Variants in ZFYVE9 observed in about 807,000 individuals in gnomAD.
ZFYVE9 encodes the protein zinc finger FYVE-type containing 9.
ZFYVE9 carries 43 observed loss-of-function variants against 126.7 expected under a neutral mutation model. The ratio of observed to expected loss-of-function variants is 0.34; its 90% CI spans 0.27 to 0.44. The LOEUF is 0.44. ZFYVE9 is among the 20% of genes least tolerant of loss of function. ZFYVE9 has a pLI of 1.00. For synonymous variants in ZFYVE9, 521 were observed against 597.4 expected, an observed-to-expected ratio of 0.87 and a Z score of 1.87; for missense variants, 1,476 against 1,697.0, an observed-to-expected ratio of 0.87 and a Z score of 2.29.
At chr1:52,263,705 T>C in intron 4 of ZFYVE9, 68 bp from the exon 5 acceptor site, 1 of 776,018 alleles carries the variant, frequency 1.3e-6, no homozygotes, top group South Asian at 1.9e-5. Context: ...TTGTCAATAT[T>C]GGTTCACTCT....
chr1:52,255,630 T>A (rs931624942), intron 4 of ZFYVE9, among the ~76,000 whole-genome samples: 1 of 151,060 alleles, frequency 6.6e-6, no homozygotes, highest in African/African-American at 2.4e-5. Flanking sequence ...CAGTGGCTCA[T>A]GCCTGTAATC....
rs1645765826 is a variant in ZFYVE9, at chr1:52,278,097, A to T, written c.2747-395A>T. On this transcript the variant is annotated intron_variant, in intron 8 of 18. Transcript: ENST00000287727. ...CCCAACTATTTGATATCCTTTCCAG[A>T]GGTAACTAGTATATTATCACTTTCT... Among the ~76,000 whole-genome samples the T allele has an allele frequency of 2.6e-5, 4 of 152,208 alleles. 1 individual carries two copies. In the South Asian group the frequency reaches 8.3e-4, roughly 31 times the overall value.
At chr1:52,343,398 A>G (rs1646457200) in intron 17 of ZFYVE9, among the ~76,000 whole-genome samples, 1 of 151,840 alleles carries the variant, frequency 6.6e-6, no homozygotes, top group African/African-American at 2.4e-5. Context: ...GTGAGCCGAG[A>G]TCGTGCCATT....
intron 4 of ZFYVE9, among the ~76,000 whole-genome samples, chr1:52,249,981 CTT>C (rs1645427837): frequency 6.6e-6 from 1 of 152,078 alleles, no homozygotes; most frequent in Non-Finnish European, 1.5e-5. Flanking sequence ...TTATGTCTGT[CTT>C]TAATGTCAGT....
chr1:52,316,104 G>T (rs1646181128), intron 13 of ZFYVE9, among the ~76,000 whole-genome samples: 1 of 129,352 alleles, frequency 7.7e-6, no homozygotes, highest in Non-Finnish European at 1.6e-5. Flanking sequence ...GGCAGAGGTT[G>T]CAGTGAGCCG....
chr1:52,196,159 G>C (rs117095618), intron 1 of ZFYVE9, among the ~76,000 whole-genome samples: 2 of 152,184 alleles, frequency 1.3e-5, no homozygotes, highest in East Asian at 3.9e-4. Flanking sequence ...GCTCTAACTT[G>C]GTAGACTTGT....
intron 13 of ZFYVE9, among the ~76,000 whole-genome samples, chr1:52,317,278 G>GGAGGTT (rs1233707547): frequency 6.6e-6 from 1 of 152,106 alleles, no homozygotes; most frequent in African/African-American, 2.4e-5. Context: ...CAGCACTTTG[G>GGAGGTT]GAGGTTGAGG....
At chr1:52,176,959 C>T (rs1357568273) in intron 1 of ZFYVE9, among the ~76,000 whole-genome samples, 1 of 152,170 alleles carries the variant, frequency 6.6e-6, no homozygotes, top group Non-Finnish European at 1.5e-5. Flanking sequence ...TGAGGCAATG[C>T]CTTGCCCTGC....
In ZFYVE9 at chr1:52,314,964, C is replaced by T. The variant is rs139918948; in HGVS notation, c.3438+11039C>T. On this transcript the variant is annotated intron_variant, in intron 13 of 18. Transcript: ENST00000287727. ...GTGCCACTGAGGCAAAGCGTTTTCTCGGATACATATAATTTATCACCAACA... is the reference window on the plus strand; with the variant it reads ...GTGCCACTGAGGCAAAGCGTTTTCTTGGATACATATAATTTATCACCAACA... Among the ~76,000 whole-genome samples, 345 of 152,054 alleles carry T rather than the reference C, an allele frequency of 2.3e-3. 2 individuals are homozygous for T. The highest frequency in any genetic ancestry group is 8.0e-3 in the African/African-American group (333 of 41,438).
intron 17 of ZFYVE9, among the ~76,000 whole-genome samples, chr1:52,341,530 T>C (rs947098786): frequency 2.0e-5 from 3 of 152,254 alleles, no homozygotes; most frequent in Admixed American, 6.5e-5. Context: ...CGTAAGCTGG[T>C]AGATCTTAGA....
At chr1:52,266,191 G>A (rs1199105049) in intron 5 of ZFYVE9, among the ~76,000 whole-genome samples, 4 of 151,498 alleles carry the variant, frequency 2.6e-5, no homozygotes, top group East Asian at 3.9e-4. Context: ...TCCACCTCCC[G>A]GGTTCATGCC....
intron 1 of ZFYVE9, among the ~76,000 whole-genome samples, chr1:52,208,595 G>A (rs534361857): frequency 1.1e-4 from 17 of 151,588 alleles, no homozygotes; most frequent in East Asian, 3.9e-4. Context: ...TCAGCCCGGC[G>A]CAATCTTGGC....
intron 10 of ZFYVE9, among the ~76,000 whole-genome samples, chr1:52,290,239 A>G (rs141308484): frequency 0.011 from 1,673 of 152,280 alleles, 40 homozygotes; most frequent in African/African-American, 0.039. Flanking sequence ...AAGAGAGAGA[A>G]AGAATGTGCA....
At chr1:52,162,777 C>T (rs12045293) in intron 1 of ZFYVE9, 4,464 of 331,760 alleles carry the variant, frequency 0.013, 199 homozygotes, top group East Asian at 0.12. Context: ...TGAGCTACTT[C>T]GTCTCCTGTG....
At chr1:52,258,793 G>A (rs745337037) in intron 4 of ZFYVE9, among the ~76,000 whole-genome samples, 2 of 151,916 alleles carry the variant, frequency 1.3e-5, no homozygotes, top group African/African-American at 4.8e-5. Context: ...CATTGGAAAC[G>A]TAAAGGATCT....
intron 2 of ZFYVE9, among the ~76,000 whole-genome samples, chr1:52,221,197 G>T (rs1040982757): frequency 1.3e-5 from 2 of 152,172 alleles, no homozygotes; most frequent in African/African-American, 4.8e-5. Context: ...CAGTCTTCCT[G>T]ACTCTACCTC....
intron 1 of ZFYVE9, chr1:52,180,075 G>A (rs1172243091): frequency 1.2e-6 from 1 of 856,814 alleles, no homozygotes; most frequent in African/African-American, 1.7e-5. Flanking sequence ...GAGACTGGCT[G>A]AGTGGAAAGC....
intron 1 of ZFYVE9, chr1:52,189,872 T>G (rs1429364973): frequency 6.6e-6 from 1 of 151,998 alleles, no homozygotes; most frequent in Admixed American, 6.6e-5. Flanking sequence ...CCAACACCAT[T>G]TGTTGAAAAA....
At chr1:52,271,006 T>C (rs1025728427) in intron 7 of ZFYVE9, among the ~76,000 whole-genome samples, 3 of 152,150 alleles carry the variant, frequency 2.0e-5, no homozygotes, top group Admixed American at 1.3e-4. Context: ...TTGGGCAACA[T>C]AGTCAGACTC....
Sources: gnomAD v4.1 joint callset for allele counts (sites outside exome capture counted in the v4.1 genomes callset) on GRCh38, gnomAD v4.1.1 for gene constraint, MANE v1.5 for transcripts, NCBI Gene and HGNC (gene_info 2026-07-23, HGNC 2026-07-21) for gene names.